Variants in CEP170B observed in about 807,000 individuals in gnomAD.
CEP170B encodes the protein centrosomal protein of 170 kDa protein B.
In CEP170B, 55 loss-of-function variants were observed where a neutral mutation model predicts 120.6. That is an observed-to-expected ratio of 0.46 (90% CI 0.37 to 0.57). The LOEUF is 0.57. Ranked by LOEUF, CEP170B falls within the 20% of genes least tolerant of loss-of-function variation. The pLI is 0.00. For synonymous variants in CEP170B, 1,033 were observed against 954.5 expected (o/e 1.08, Z -1.52); for missense variants, 2,212 against 2,253.3 (o/e 0.98, Z 0.37).
At chr14:104,879,888 G>A (rs528713571) in intron 5 of CEP170B, among the ~76,000 whole-genome samples, 61 of 152,302 alleles carry the variant, frequency 4.0e-4, no homozygotes, top group African/African-American at 9.6e-4. Context: ...GGGCCAGGGC[G>A]CTTAGCCCGT....
intron 2 of CEP170B, among the ~76,000 whole-genome samples, chr14:104,875,267 G>A (rs1895779709): frequency 6.6e-6 from 1 of 152,246 alleles, no homozygotes; most frequent in South Asian, 2.1e-4. Flanking sequence ...CTTCCTTCAG[G>A]CCCATTGCTG....
rs770172482 is a variant in CEP170B, at chr14:104,886,339, G to A, written c.2100G>A (p.Arg700=). The part of the protein sequence containing the change: ...EGSLPVRMRR[R]LPQLPSERAD... ...CCCTGCCTGTGCGCATGCGGCGACG[G>A]CTCCCTCAGCTGCCCAGTGAGAGGG... Residue 700 remains arginine, a synonymous_variant, in exon 12 of 19, where the codon CGG becomes CGA. Coordinates refer to ENST00000414716, the MANE Select transcript of CEP170B (RefSeq NM_001112726.3). 7.7e-6 allele frequency: 12 copies of A among 1,563,708 alleles called. No individual in the cohort carries two copies. Among genetic ancestry groups the A allele is most frequent in the African/African-American group, 1.4e-5 (1 of 73,944 alleles).
chr14:104,868,511 G>A lies in CEP170B; in HGVS notation c.61G>A (p.Glu21Lys). The change falls in exon 2 of 19, where the codon GAG becomes AAG. Residue 21 changes from glutamate to lysine, a missense_variant. By Grantham distance (56) the Glu-to-Lys change is moderately conservative (BLOSUM62 1). Around this residue, in one of 2 missense-constraint regions of CEP170B, gnomAD observed 46 missense variants for 86.6 expected, o/e 0.53. Coordinates refer to ENST00000414716, the MANE Select transcript of CEP170B (RefSeq NM_001112726.3). This position sits in a 1 kb window ranked among gnomAD's most constrained non-coding sequence, Gnocchi z 5.9. ...SSGARHRLPR[E>K]LIFVGREECE... ...CGGCGCCCGCCACCGGCTCCCTCGG[G>A]AGCTCATCTTCGTGGGGCGTGAGGA... 6.5e-7 allele frequency: 1 copy of A among 1,549,752 alleles called. No individual in the cohort carries two copies.
chr14:104,882,731 C>T lies in CEP170B; in HGVS notation c.476C>T (p.Ala159Val), dbSNP rs1362718805. Residue 159 changes from alanine to valine, a missense_variant, in exon 7 of 19, where the codon GCA becomes GTA. Ala to Val is a moderately conservative substitution (Grantham distance 64). This residue lies in a region of CEP170B where 2,166 missense variants were observed against 2,166.7 expected (regional missense o/e 1.00). Coordinates refer to ENST00000414716, the MANE Select transcript of CEP170B (RefSeq NM_001112726.3). ...EKGDRRPGTE[A>V]ASYRTPLYGQ... ...TGACCTCTCGCTCCCTCCACAGAGGCAGCCTCTTACCGCACACCCCTGTAT... is the reference window on the plus strand; with the variant it reads ...TGACCTCTCGCTCCCTCCACAGAGGTAGCCTCTTACCGCACACCCCTGTAT... The T allele has an allele frequency of 1.2e-5, 19 of 1,610,984 alleles. No individual in the cohort carries two copies. The highest frequency in any genetic ancestry group is 1.3e-5 in the African/African-American group (1 of 74,916).
rs368618168 is a variant in CEP170B at position 104,884,061 on chromosome 14, G to A, written c.1282G>A (p.Gly428Arg). ...RSQSFTHSPS[G>R]DPKADKRRGP... Reference sequence around the variant, plus strand: ...CCAGTCCTTCACGCACAGCCCGTCCGGGGACCCCAAGGCCGACAAGCGCCG... The same window carrying A: ...CCAGTCCTTCACGCACAGCCCGTCCAGGGACCCCAAGGCCGACAAGCGCCG... The change falls in exon 9 of 19, where the codon GGG becomes AGG. Residue 428 changes from glycine to arginine, a missense_variant. Gly to Arg is a moderately radical substitution (Grantham distance 125). Around this residue, in one of 2 missense-constraint regions of CEP170B, gnomAD observed 2,166 missense variants for 2,166.7 expected, o/e 1.00. Coordinates refer to ENST00000414716, the MANE Select transcript of CEP170B (RefSeq NM_001112726.3). The A allele has an allele frequency of 4.4e-5, 70 of 1,607,776 alleles. No homozygotes were observed. Among genetic ancestry groups the A allele is most frequent in the Non-Finnish European group, 5.4e-5 (64 of 1,177,416 alleles).
chr14:104,893,505 C>T lies in CEP170B; in HGVS notation c.4039-18C>T, dbSNP rs1006314873. The T allele has an allele frequency of 1.2e-5, 19 of 1,596,324 alleles. No individual in the cohort carries two copies. The highest frequency in any genetic ancestry group is 6.9e-5 in the Admixed American group (4 of 58,220). On this transcript the variant is annotated intron_variant, in intron 14 of 18. Coordinates refer to ENST00000414716, the MANE Select transcript of CEP170B (RefSeq NM_001112726.3). ...AGCCTCTGCCTGGGGCCCACGGTGC[C>T]GGCCCTCCCTCTTGCAGCTGGTGCA...
In CEP170B at chr14:104,895,161, A is replaced by G. The variant is rs1441994767; in HGVS notation, c.*203A>G. On this transcript the variant is annotated 3_prime_UTR_variant, in exon 19 of 19. Coordinates refer to ENST00000414716, the MANE Select transcript of CEP170B (RefSeq NM_001112726.3). ...ACTCACCCTGTCCAGCCCCATGGCC[A>G]CCCCCACCCCTGCCTCGCCCCCTAC... 7.4e-6 allele frequency: 4 copies of G among 537,672 alleles called. No homozygotes were observed. Among genetic ancestry groups the G allele is most frequent in the African/African-American group, 2.0e-5 (1 of 48,868 alleles). The allele number at this position is 537,672 out of a possible 1,614,324, so 33.3% of individuals were successfully genotyped here. A position where few individuals can be genotyped will look rare whatever the true frequency, so the allele number is the denominator to read the frequency against.
At position 104,883,168 on chromosome 14, in the gene CEP170B, G is replaced by A. The variant is rs981369238; in HGVS notation, c.711G>A (p.Ser237=). The part of the protein sequence containing the change: ...EIPTKETPQP[S]QPPEVPAHEM... ...CCACGAAGGAGACCCCGCAGCCGTC[G>A]CAGCCCCCCGAGGTGCCGGCACACG... is the stretch of plus-strand genomic sequence containing the variant. The change falls in exon 8 of 19, where the codon TCG becomes TCA. Residue 237 remains serine (S), a synonymous_variant. Transcript: ENST00000414716. The A allele has an allele frequency of 8.7e-6, 14 of 1,605,762 alleles. No homozygotes were observed. Among genetic ancestry groups the A allele is most frequent in the South Asian group, 3.3e-5 (3 of 90,584 alleles).
rs930634332 is a variant in CEP170B, at chr14:104,882,800, C to T, written c.545C>T (p.Pro182Leu). Residue 182 changes from proline to leucine, a missense_variant, in exon 7 of 19, where the codon CCT becomes CTT. Physicochemically the swap from Pro to Leu is moderately conservative, Grantham distance 98. Coordinates refer to ENST00000414716, the MANE Select transcript of CEP170B (RefSeq NM_001112726.3). Reference protein sequence around the residue: ...WWGEDDGSTLPDAQRQGEPYP... With the variant: ...WWGEDDGSTLLDAQRQGEPYP... ...GGTGAGGACGATGGTAGCACGCTGC[C>T]TGACGCCCAGCGCCAGGGAGAGCCC... 4 of 1,612,184 alleles carry T rather than the reference C, an allele frequency of 2.5e-6. No individual in the cohort carries two copies. Among genetic ancestry groups the T allele is most frequent in the Non-Finnish European group, 3.4e-6 (4 of 1,179,688 alleles).
intron 8 of CEP170B, 65 bp from the exon 9 acceptor site, chr14:104,883,766 G>A: frequency 7.0e-7 from 1 of 1,424,692 alleles, no homozygotes; most frequent in Non-Finnish European, 9.4e-7. Flanking sequence ...TGATGAGGCT[G>A]CCTGAGATCG....
chr14:104,870,145 C>T lies in CEP170B; in HGVS notation c.105+1590C>T, dbSNP rs1224018999. On this transcript the variant is annotated intron_variant, in intron 2 of 18. Coordinates refer to ENST00000414716, the MANE Select transcript of CEP170B (RefSeq NM_001112726.3). This position sits in a 1 kb window ranked among gnomAD's most constrained non-coding sequence, Gnocchi z 4.1. ...TAAAGATTTTAGGTTTTATGGACCA[C>T]AAAGTATCCACTGCAGCCCAGGCCT... Among the ~76,000 whole-genome samples the T allele has an allele frequency of 6.6e-6, 1 of 152,180 alleles. No homozygotes were observed. The highest frequency in any genetic ancestry group is 1.5e-5 in the Non-Finnish European group (1 of 68,042).
At position 104,882,768 on chromosome 14, in the gene CEP170B, C is replaced by T. The variant is rs1475447753; in HGVS notation, c.513C>T (p.Ser171=). ...SYRTPLYGQP[S]WWGEDDGSTL... ...GCACACCCCTGTATGGGCAGCCCTC[C>T]TGGTGGGGTGAGGACGATGGTAGCA... Residue 171 remains serine (S), a synonymous_variant, in exon 7 of 19, where the codon TCC becomes TCT. Transcript: ENST00000414716. 1 of 1,612,360 alleles carries T rather than the reference C, an allele frequency of 6.2e-7. No individual in the cohort carries two copies. The highest frequency in any genetic ancestry group is 8.5e-7 in the Non-Finnish European group (1 of 1,179,674).
chr14:104,865,777 G>A lies in CEP170B; in HGVS notation c.-28+264G>A, dbSNP rs1473088417. ...CCTGGGCACCCGGGTCCCCGCCCCG[G>A]CACCGGCTCGGCCATGGCCGCCCCC... On this transcript the variant is annotated intron_variant, in intron 1 of 18. Transcript: ENST00000414716. The surrounding 1 kb of genome is among the most constrained non-coding windows in gnomAD (Gnocchi z 6.7). 6.6e-6 allele frequency among the ~76,000 whole-genome samples: 1 copy of A among 152,046 alleles called. No individual in the cohort carries two copies. Among genetic ancestry groups the A allele is most frequent in the East Asian group, 1.9e-4 (1 of 5,164 alleles).
At chr14:104,879,611 G>C (rs1280886042) in intron 5 of CEP170B, among the ~76,000 whole-genome samples, 1 of 152,170 alleles carries the variant, frequency 6.6e-6, no homozygotes, top group Non-Finnish European at 1.5e-5. Flanking sequence ...GGAGGTAACA[G>C]CTGCCCCCAG....
chr14:104,884,404 C>G lies in CEP170B; in HGVS notation c.1625C>G (p.Thr542Ser), dbSNP rs1566863950. The change falls in exon 9 of 19, where the codon ACC (threonine) becomes AGC (serine). Residue 542 changes from threonine to serine, a missense_variant. Coordinates refer to ENST00000414716, the MANE Select transcript of CEP170B (RefSeq NM_001112726.3). ...GGGACCAGCCCCGTGGGCCCCCCGACCCCACCGCCCGCCCCCACGGACCCC... is the reference window on the plus strand; with the variant it reads ...GGGACCAGCCCCGTGGGCCCCCCGAGCCCACCGCCCGCCCCCACGGACCCC... ...PHGTSPVGPP[T>S]PPPAPTDPQL... is the part of the protein sequence containing the mutation. The G allele has an allele frequency of 6.5e-7, 1 of 1,546,262 alleles. No homozygotes were observed. The highest frequency in any genetic ancestry group is 2.4e-5 in the East Asian group (1 of 40,852).
Position 104,884,153 on chromosome 14 carries a change from C to G in CEP170B, c.1374C>G (p.Ser458Arg). 1.3e-6 allele frequency: 2 copies of G among 1,554,018 alleles called. No homozygotes were observed. Among genetic ancestry groups the G allele is most frequent in the Non-Finnish European group, 1.7e-6 (2 of 1,150,614 alleles). ...CCCCAGTCCAGGCAGGGGGCCGCAGCTCGGGGCCACAGAGGGCCGGCTCGC... is the reference window on the plus strand; with the variant it reads ...CCCCAGTCCAGGCAGGGGGCCGCAGGTCGGGGCCACAGAGGGCCGGCTCGC... Reference protein sequence around the residue: ...VPAPVQAGGRSSGPQRAGSLK... With the variant: ...VPAPVQAGGRRSGPQRAGSLK... Residue 458 changes from serine (S) to arginine (R), a missense_variant, in exon 9 of 19, where the codon AGC becomes AGG. Physicochemically the swap from Ser to Arg is moderately radical, Grantham distance 110 (BLOSUM62 -1). Around this residue, in one of 2 missense-constraint regions of CEP170B, gnomAD observed 2,166 missense variants for 2,166.7 expected, o/e 1.00. Transcript: ENST00000414716.
chr14:104,887,517 A>C lies in CEP170B; in HGVS notation c.3278A>C (p.Glu1093Ala). 1 of 1,611,568 alleles carries C rather than the reference A, an allele frequency of 6.2e-7. No individual in the cohort carries two copies. Among genetic ancestry groups the C allele is most frequent in the Non-Finnish European group, 8.5e-7 (1 of 1,179,578 alleles). ...CCACCGCCATCCCCAGCTGCCCGGG[A>C]GGAGCAGAGCCGTAGCTCAGCCAGC... Reference protein sequence around the residue: ...AAPPPSPAAREEQSRSSASSQ... With the variant: ...AAPPPSPAARAEQSRSSASSQ... The change falls in exon 12 of 19, where the codon GAG becomes GCG. Residue 1093 changes from glutamate to alanine, a missense_variant. By Grantham distance (107) the Glu-to-Ala change is moderately radical. Coordinates refer to ENST00000414716, the MANE Select transcript of CEP170B (RefSeq NM_001112726.3).
intron 2 of CEP170B, among the ~76,000 whole-genome samples, chr14:104,869,748 A>G (rs967997686): frequency 3.3e-5 from 5 of 152,232 alleles, no homozygotes; most frequent in Admixed American, 6.5e-5. Context: ...GGGACGCAGC[A>G]TTCAAGATAC....
chr14:104,872,435 G>GTGCATGTGTGTGCATGTGGGTGTGC (rs770786844), intron 2 of CEP170B, among the ~76,000 whole-genome samples: 1 of 75,072 alleles, frequency 1.3e-5, no homozygotes, highest in Non-Finnish European at 3.4e-5. Flanking sequence ...GTGCGTGTGT[G>GTGCATGTGTGTGCATGTGGGTGTGC]CGTGTGTGTG....
Sources: allele counts gnomAD v4.1 joint callset (sites outside exome capture counted in the v4.1 genomes callset), GRCh38; gene constraint gnomAD v4.1.1; regional missense constraint gnomAD v4.1.1; non-coding constraint Gnocchi (gnomAD v3.1); transcripts MANE v1.5; gene names NCBI Gene and HGNC (gene_info 2026-07-23, HGNC 2026-07-21).